The following RAF1 variants were observed in gnomAD, a reference collection of about 807,000 sequenced individuals.
The protein encoded by RAF1 is Raf-1 proto-oncogene, serine/threonine kinase, also known as RAF proto-oncogene serine/threonine-protein kinase.
A neutral mutation model predicts 81.1 loss-of-function variants in RAF1; 27 were observed. The observed-to-expected ratio is 0.33, with a 90% CI of 0.25 to 0.46. The LOEUF is 0.46. Ranked by LOEUF, RAF1 falls within the 20% of genes least tolerant of loss-of-function variation. The probability of loss-of-function intolerance (pLI) is 1.00; values close to 1 mark genes in which losing one functional copy is unlikely to be tolerated. For synonymous variants in RAF1, 298 were observed against 294.0 expected (o/e 1.01, Z -0.14); for missense variants, 598 against 826.0 (o/e 0.72, Z 3.38).
rs552250824 is a variant in RAF1, at chr3:12,643,807, T to C, written c.-27+20006A>G. 3.9e-5 allele frequency among the ~76,000 whole-genome samples: 6 copies of C among 152,220 alleles called. No individual in the cohort carries two copies. In the East Asian group the frequency reaches 9.6e-4, roughly 24 times the overall value. Reference sequence around the variant, plus strand: ...CCTCCTTGTGCAATTCCTAATAAATTGCTGAGAAGTGATCTTACATAGGAA... The same window carrying C: ...CCTCCTTGTGCAATTCCTAATAAATCGCTGAGAAGTGATCTTACATAGGAA... On this transcript the variant is annotated intron_variant, in intron 1 of 17. Transcript: ENST00000442415.
At chr3:12,661,957 G>A (rs540441698) in intron 1 of RAF1, among the ~76,000 whole-genome samples, 1 of 151,844 alleles carries the variant, frequency 6.6e-6, no homozygotes, top group East Asian at 1.9e-4. Flanking sequence ...GGCTGAAGCT[G>A]GAGGATCACT....
chr3:12,592,731 CTTTTTTTTTTTT>C (rs35189562), intron 11 of RAF1, among the ~76,000 whole-genome samples: 2 of 107,226 alleles, frequency 1.9e-5, no homozygotes, highest in Admixed American at 2.1e-4. Flanking sequence ...TTAAAAGCCA[CTTTTTTTTTTTT>C]TTTTTTTTTT....
intron 13 of RAF1, chr3:12,590,033 CCCGCCTCAG>C (rs1460374849): frequency 1.3e-5 from 2 of 151,958 alleles, no homozygotes; most frequent in African/African-American, 4.8e-5. Context: ...TCGTCATCCA[CCCGCCTCAG>C]CCTCCCAAAG....
At chr3:12,658,662 A>T (rs906033819) in intron 1 of RAF1, among the ~76,000 whole-genome samples, 2 of 152,200 alleles carry the variant, frequency 1.3e-5, no homozygotes. Flanking sequence ...CTTCCCATTT[A>T]TTAACAAAAA....
At chr3:12,617,191 C>T (rs2059395149) in intron 2 of RAF1, among the ~76,000 whole-genome samples, 1 of 152,208 alleles carries the variant, frequency 6.6e-6, no homozygotes, top group Non-Finnish European at 1.5e-5. Flanking sequence ...TGGCCCACTG[C>T]AACCTCTGCC....
At chr3:12,610,505 G>C (rs1488366302) in intron 3 of RAF1, among the ~76,000 whole-genome samples, 1 of 152,164 alleles carries the variant, frequency 6.6e-6, no homozygotes, top group Non-Finnish European at 1.5e-5. Flanking sequence ...AGTAGACCAA[G>C]CCCTCCCTGT....
intron 1 of RAF1, among the ~76,000 whole-genome samples, chr3:12,619,981 C>G (rs1318822788): frequency 6.6e-6 from 1 of 151,926 alleles, no homozygotes; most frequent in Non-Finnish European, 1.5e-5. Flanking sequence ...ACTCAGGAGG[C>G]TGAGGCAGGG....
chr3:12,591,442 C>A (rs1035987681), intron 12 of RAF1, among the ~76,000 whole-genome samples: 1 of 152,088 alleles, frequency 6.6e-6, no homozygotes, highest in African/African-American at 2.4e-5. Context: ...AAACCAAAAC[C>A]CAGAGACAGA....
intron 13 of RAF1, chr3:12,590,410 G>A (rs1241966810): frequency 5.4e-5 from 4 of 74,728 alleles, no homozygotes; most frequent in Non-Finnish European, 9.7e-5. Context: ...CGCAACCTCT[G>A]CTTTCCAATG....
chr3:12,601,428 T>C (rs938040426), intron 8 of RAF1, among the ~76,000 whole-genome samples: 1 of 152,120 alleles, frequency 6.6e-6, no homozygotes, highest in Non-Finnish European at 1.5e-5. Flanking sequence ...GTTTGGAAAA[T>C]AGTTTAAATT....
At chr3:12,614,800 A>G (rs945517758) in intron 2 of RAF1, among the ~76,000 whole-genome samples, 15 of 152,314 alleles carry the variant, frequency 9.8e-5, no homozygotes, top group African/African-American at 3.4e-4. Flanking sequence ...ACCAACTTCC[A>G]GCTTTTCAGA....
At chr3:12,631,442 CGA>C (rs372045764) in intron 1 of RAF1, among the ~76,000 whole-genome samples, 18,570 of 151,678 alleles carry the variant, frequency 0.12, 1,362 homozygotes, top group Admixed American at 0.2. Flanking sequence ...ACTAAAAATA[CGA>C]AAAAATTAGC....
chr3:12,643,472 G>T (rs938054498), intron 1 of RAF1, among the ~76,000 whole-genome samples: 3 of 152,154 alleles, frequency 2.0e-5, no homozygotes, highest in African/African-American at 7.2e-5. Flanking sequence ...CGGGTGCAGT[G>T]GCTCACACCT....
intron 1 of RAF1, among the ~76,000 whole-genome samples, chr3:12,632,848 A>T (rs2059904174): frequency 6.6e-6 from 1 of 152,186 alleles, no homozygotes; most frequent in Non-Finnish European, 1.5e-5. Flanking sequence ...AGAGGAAAAA[A>T]CAAAAAAAAG....
chr3:12,644,614 G>A (rs926607929), intron 1 of RAF1, among the ~76,000 whole-genome samples: 7 of 152,120 alleles, frequency 4.6e-5, no homozygotes, highest in African/African-American at 1.7e-4. Flanking sequence ...GCTTAGCAAG[G>A]GCTAGCAGTC....
At chr3:12,642,332 A>T (rs575338805) in intron 1 of RAF1, among the ~76,000 whole-genome samples, 1 of 117,322 alleles carries the variant, frequency 8.5e-6, no homozygotes, top group Non-Finnish European at 2.0e-5. Context: ...AAACAAAAAC[A>T]AACAAACAAA....
chr3:12,594,146 T>C (rs2058614269), intron 11 of RAF1, among the ~76,000 whole-genome samples: 1 of 152,014 alleles, frequency 6.6e-6, no homozygotes, highest in Non-Finnish European at 1.5e-5. Context: ...TCTGCTGCAA[T>C]AGCTCAGGAA....
At chr3:12,616,169 A>G (rs181456230) in intron 2 of RAF1, among the ~76,000 whole-genome samples, 53 of 152,334 alleles carry the variant, frequency 3.5e-4, no homozygotes, top group African/African-American at 1.3e-3. Flanking sequence ...AAAGTACAGA[A>G]CTTGTCTAAA....
chr3:12,662,011 C>A (rs1299048033), intron 1 of RAF1, among the ~76,000 whole-genome samples: 1 of 151,676 alleles, frequency 6.6e-6, no homozygotes, highest in Non-Finnish European at 1.5e-5. Context: ...ATAGTGTGAC[C>A]CCCTCTCTAT....
Sources: gnomAD v4.1 joint callset for allele counts (sites outside exome capture counted in the v4.1 genomes callset) on GRCh38, gnomAD v4.1.1 for gene constraint, MANE v1.5 for transcripts, NCBI Gene and HGNC (gene_info 2026-07-23, HGNC 2026-07-21) for gene names.